Variants in MRC1 observed in about 807,000 individuals in gnomAD.
The protein encoded by MRC1 is mannose receptor C-type 1.
MRC1 carries 62 observed loss-of-function variants against 102.9 expected under a neutral mutation model. The observed-to-expected ratio is 0.60, with a 90% confidence interval of 0.49 to 0.74. The LOEUF is 0.74. Among genes scored for constraint, MRC1 ranks in the 30% least tolerant of loss-of-function variants. The pLI is 0.00. For missense variants in MRC1, 1,237 were observed against 862.8 expected (o/e 1.43, Z -5.43); for synonymous variants, 457 against 298.4 (o/e 1.53, Z -5.48).
At chr10:17,907,421 T>TA in intron 27 of MRC1, 113 bp from the exon 28 acceptor site, 1 of 742,976 alleles carries the variant, frequency 1.3e-6, no homozygotes, top group Non-Finnish European at 2.5e-6. Context: ...TATAAATGAC[T>TA]ATTGATTCTA....
At chr10:17,879,918 CAAGAT>C in intron 19 of MRC1, 97 bp downstream of exon 19, 1 of 776,550 alleles carries the variant, frequency 1.3e-6, no homozygotes, top group Non-Finnish European at 2.4e-6. Flanking sequence ...TTACATCAGA[CAAGAT>C]AAGAAGAGAG....
chr10:17,853,596 GTGTGTATATA>G (rs1457463811), intron 8 of MRC1, among the ~76,000 whole-genome samples: 12 of 138,088 alleles, frequency 8.7e-5, no homozygotes, highest in African/African-American at 3.4e-4. Context: ...GTGTGTGTGT[GTGTGTATATA>G]TATATATATG....
intron 22 of MRC1, among the ~76,000 whole-genome samples, chr10:17,893,512 C>T (rs1305097272): frequency 6.6e-6 from 1 of 151,912 alleles, no homozygotes; most frequent in Non-Finnish European, 1.5e-5. Flanking sequence ...GTAGATAGTA[C>T]ATTGAAATGG....
intron 3 of MRC1, among the ~76,000 whole-genome samples, chr10:17,827,998 G>A (rs1438693593): frequency 6.6e-6 from 1 of 152,160 alleles, no homozygotes; most frequent in African/African-American, 2.4e-5. Context: ...TACTGTCTCA[G>A]CATTCCCTGA....
At chr10:17,809,926 G>A (rs529184891) in intron 1 of MRC1, among the ~76,000 whole-genome samples, 1 of 152,242 alleles carries the variant, frequency 6.6e-6, no homozygotes, top group South Asian at 2.1e-4. Flanking sequence ...AGTGTCTCTG[G>A]CTGGAAGGAG....
chr10:17,888,925 C>G lies in MRC1; in HGVS notation c.3147+3490C>G, dbSNP rs918374568. On this transcript the variant is annotated intron_variant, in intron 22 of 29. Coordinates refer to ENST00000569591, the MANE Select transcript of MRC1 (RefSeq NM_002438.4). ...ATCTTTGCAGTTCTATCAGTTCTCA[C>G]TTTACATATGTTGATGCTCTATTGT... Among the ~76,000 whole-genome samples the G allele has an allele frequency of 1.2e-4, 18 of 152,090 alleles. No individual in the cohort carries two copies. In the East Asian group the frequency reaches 3.5e-3, roughly 29 times the overall value.
chr10:17,898,939 C>A (rs1005115758), intron 24 of MRC1, among the ~76,000 whole-genome samples: 6 of 151,870 alleles, frequency 4.0e-5, no homozygotes, highest in Non-Finnish European at 5.9e-5. Flanking sequence ...TGACAGTCAG[C>A]AATTAAGATA....
At position 17,902,093 on chromosome 10, in the gene MRC1, G is replaced by T; in HGVS notation, c.3770G>T (p.Gly1257Val). 1.3e-6 allele frequency: 1 copy of T among 780,746 alleles called. No individual in the cohort carries two copies. The highest frequency in any genetic ancestry group is 1.3e-5 in the South Asian group (1 of 74,578). The allele number at this position is 780,746 out of a possible 1,614,324, so 48.4% of individuals were successfully genotyped here. Residue 1257 changes from glycine (G) to valine (V), a missense_variant, in exon 26 of 30, where the codon GGC becomes GTC. Transcript: ENST00000569591. ...YIESSYTRNW[G>V]QASLECLRMG... is the part of the protein sequence containing the mutation. Reference sequence around the variant, plus strand: ...GAGTCCTCATATACAAGAAACTGGGGCCAAGCTTCTCTGGAATGTCTTCGA... The same window carrying T: ...GAGTCCTCATATACAAGAAACTGGGTCCAAGCTTCTCTGGAATGTCTTCGA...
chr10:17,879,106 G>A (rs1051217345), intron 18 of MRC1, among the ~76,000 whole-genome samples: 2 of 152,106 alleles, frequency 1.3e-5, no homozygotes, highest in South Asian at 2.1e-4. Flanking sequence ...AATCATGCCC[G>A]GGGAGTACGA....
At chr10:17,834,640 C>T (rs1421365282) in intron 4 of MRC1, among the ~76,000 whole-genome samples, 1 of 152,170 alleles carries the variant, frequency 6.6e-6, no homozygotes, top group Non-Finnish European at 1.5e-5. Context: ...TCATGAACTC[C>T]TGGCCTCAGG....
chr10:17,862,026 A>G (rs2130661673), intron 10 of MRC1, among the ~76,000 whole-genome samples: 1 of 152,308 alleles, frequency 6.6e-6, no homozygotes, highest in East Asian at 1.9e-4. Flanking sequence ...ATCTATTTTT[A>G]AGATTTATTC....
rs2130729713 is a variant in MRC1, at chr10:17,910,549, T to G, written c.*84T>G. On this transcript the variant is annotated 3_prime_UTR_variant, in exon 30 of 30. Coordinates refer to ENST00000569591, the MANE Select transcript of MRC1 (RefSeq NM_002438.4). ...TTTTTAGTTCAATGTGATTGTTTTCTTTAAAATGAGTACTGAATTGTACTG... is the reference window on the plus strand; with the variant it reads ...TTTTTAGTTCAATGTGATTGTTTTCGTTAAAATGAGTACTGAATTGTACTG... 1 of 778,732 alleles carries G rather than the reference T, an allele frequency of 1.3e-6. No individual in the cohort carries two copies. Among genetic ancestry groups the G allele is most frequent in the Non-Finnish European group, 2.4e-6 (1 of 417,102 alleles). The allele number at this position is 778,732 out of a possible 1,614,324, so 48.2% of individuals were successfully genotyped here.
At chr10:17,814,725 G>A (rs1022445040) in intron 1 of MRC1, among the ~76,000 whole-genome samples, 19 of 120,298 alleles carry the variant, frequency 1.6e-4, no homozygotes, top group Non-Finnish European at 2.6e-4. Flanking sequence ...TCGCTCTGTC[G>A]CCCAGGCTGG....
chr10:17,881,670 A>ATT (rs1184943960), intron 21 of MRC1, among the ~76,000 whole-genome samples: 5,877 of 102,410 alleles, frequency 0.057, 586 homozygotes, highest in African/African-American at 0.21. Context: ...ACAAATTTTG[A>ATT]TTTTTTTTTT....
intron 3 of MRC1, among the ~76,000 whole-genome samples, chr10:17,828,535 A>C (rs1319187435): frequency 6.6e-6 from 1 of 151,452 alleles, no homozygotes; most frequent in African/African-American, 2.5e-5. Context: ...CAGAATTCAA[A>C]GGAAGCCACA....
chr10:17,881,329 A>G, intron 21 of MRC1, 148 bp downstream of exon 21: 1 of 651,276 alleles, frequency 1.5e-6, no homozygotes. Flanking sequence ...ATTGAAAACT[A>G]TTTTATTCCA....
chr10:17,870,138 C>A, intron 12 of MRC1, 108 bp from the exon 13 acceptor site: 1 of 699,912 alleles, frequency 1.4e-6, no homozygotes, highest in Admixed American at 2.2e-5. Flanking sequence ...AGTCATTACA[C>A]TGTTTTGTTT....
intron 17 of MRC1, 98 bp from the exon 18 acceptor site, chr10:17,877,802 G>A: frequency 1.2e-6 from 1 of 836,630 alleles, no homozygotes. Flanking sequence ...TCTAGATAAG[G>A]TTTCGATTAG....
At chr10:17,906,269 G>A (rs1833893432) in intron 26 of MRC1, among the ~76,000 whole-genome samples, 1 of 150,586 alleles carries the variant, frequency 6.6e-6, no homozygotes, top group Non-Finnish European at 1.5e-5. Context: ...ACCAATCTCT[G>A]GTCTTCTGCA....
Sources: allele counts gnomAD v4.1 joint callset (sites outside exome capture counted in the v4.1 genomes callset), GRCh38; gene constraint gnomAD v4.1.1; transcripts MANE v1.5; gene names NCBI Gene and HGNC (gene_info 2026-07-23, HGNC 2026-07-21).